The following MYH13 variants were observed in gnomAD, a reference collection of about 807,000 sequenced individuals.
MYH13 encodes myosin heavy chain 13, also known as myosin-13.
A neutral mutation model predicts 232.1 loss-of-function variants in MYH13; 177 were observed. The observed-to-expected ratio is 0.76, with a 90% CI of 0.67 to 0.86. The LOEUF (loss-of-function observed/expected upper bound fraction) is 0.86, where lower values mean the gene tolerates loss of function less well. Ranked by LOEUF, MYH13 falls within the 40% of genes least tolerant of loss-of-function variation. The pLI is 0.00. For synonymous variants in MYH13, 884 were observed against 923.5 expected (o/e 0.96, Z 0.78); for missense variants, 2,246 against 2,405.9 (o/e 0.93, Z 1.39).
intron 7 of MYH13, 119 bp downstream of exon 7, chr17:10,359,839 GAA>G: frequency 2.4e-6 from 2 of 842,232 alleles, no homozygotes; most frequent in Non-Finnish European, 3.9e-6. Flanking sequence ...AGAGAGGAAA[GAA>G]AGAATTTTTC....
intron 1 of MYH13, among the ~76,000 whole-genome samples, chr17:10,371,871 G>C (rs959739893): frequency 1.3e-5 from 2 of 152,176 alleles, no homozygotes; most frequent in African/African-American, 2.4e-5. Context: ...TAGGGCAGCT[G>C]AAAAGTCACC....
In MYH13 at chr17:10,321,686, A is replaced by AT; in HGVS notation, c.2956dup (p.Met986AsnfsTer5). On this transcript the variant is annotated frameshift_variant, in exon 24 of 41. Coordinates refer to ENST00000252172, the MANE Select transcript of MYH13 (RefSeq NM_003802.3). LOFTEE classifies it high-confidence loss of function. ...GGAAATGTTTTCTTCAAGTGCTGTCATTTCTTCGGAAAGATTCTTTACCTG... is the reference window on the plus strand; with the variant it reads ...GGAAATGTTTTCTTCAAGTGCTGTCATTTTCTTCGGAAAGATTCTTTACCTG... 1 of 1,613,098 alleles carries AT rather than the reference A, an allele frequency of 6.2e-7. No homozygotes were observed. Among genetic ancestry groups the AT allele is most frequent in the Non-Finnish European group, 8.5e-7 (1 of 1,179,604 alleles).
At position 10,354,709 on chromosome 17, in the gene MYH13, C is replaced by A. The variant is rs201107300; in HGVS notation, c.976G>T (p.Asp326Tyr). Residue 326 changes from aspartate (D) to tyrosine (Y), a missense_variant, in exon 11 of 41, where the codon GAT becomes TAT. Coordinates refer to ENST00000252172, the MANE Select transcript of MYH13 (RefSeq NM_003802.3). ...SQGEVTVASI[D>Y]DSEELLATDN... ...GTCGCCAGCAGTTCTTCACTGTCAT[C>A]GATACTGGCTACCGTGACCTCTCCT... 1 of 1,613,846 alleles carries A rather than the reference C, an allele frequency of 6.2e-7. No individual in the cohort carries two copies. Among genetic ancestry groups the A allele is most frequent in the Non-Finnish European group, 8.5e-7 (1 of 1,179,844 alleles).
rs760585886 is a variant in MYH13 at position 10,345,262 on chromosome 17, G to C, written c.1524C>G (p.Ile508Met). 6.2e-7 allele frequency: 1 copy of C among 1,614,154 alleles called. No individual in the cohort carries two copies. Among genetic ancestry groups the C allele is most frequent in the Non-Finnish European group, 8.5e-7 (1 of 1,180,016 alleles). Residue 508 changes from isoleucine (I) to methionine (M), a missense_variant, in exon 15 of 41, where the codon ATC becomes ATG. Coordinates refer to ENST00000252172, the MANE Select transcript of MYH13 (RefSeq NM_003802.3). ...TTCCGAAGTCAATGAACTCCCACTC[G>C]ATGCCTTCCTTCTTGTACTCTTCCT... ...LEQEEYKKEG[I>M]EWEFIDFGMD... is the part of the protein sequence containing the mutation.
chr17:10,359,830 G>C (rs2071777959), intron 7 of MYH13, 130 bp downstream of exon 7: 1 of 765,800 alleles, frequency 1.3e-6, no homozygotes, highest in African/African-American at 1.7e-5. Context: ...TGAGGATACA[G>C]AGAGGAAAGA....
At chr17:10,362,922 T>C (rs922265618) in intron 3 of MYH13, among the ~76,000 whole-genome samples, 1 of 152,060 alleles carries the variant, frequency 6.6e-6, no homozygotes, top group Non-Finnish European at 1.5e-5. Context: ...AGCTGGAATG[T>C]CTTCATGAAA....
At chr17:10,372,701 G>A (rs987802606) in intron 1 of MYH13, among the ~76,000 whole-genome samples, 3 of 152,128 alleles carry the variant, frequency 2.0e-5, no homozygotes, top group South Asian at 4.1e-4. Context: ...AATAATCAGA[G>A]GAGGAATCAT....
intron 8 of MYH13, among the ~76,000 whole-genome samples, chr17:10,357,339 A>G (rs2071756959): frequency 6.6e-6 from 1 of 152,212 alleles, no homozygotes; most frequent in Admixed American, 6.5e-5. Flanking sequence ...AAGAGGTCAA[A>G]TCTGCTAACT....
At chr17:10,326,724 G>T (rs1033955737) in intron 22 of MYH13, among the ~76,000 whole-genome samples, 1 of 151,316 alleles carries the variant, frequency 6.6e-6, no homozygotes, top group Non-Finnish European at 1.5e-5. Context: ...TGATCTGCCC[G>T]CCTCGGTCTC....
intron 18 of MYH13, among the ~76,000 whole-genome samples, chr17:10,334,933 A>G (rs2071561284): frequency 6.6e-6 from 1 of 152,174 alleles, no homozygotes; most frequent in African/African-American, 2.4e-5. Context: ...AGAACCGCCG[A>G]TGTGGAGAGA....
chr17:10,341,707 G>A (rs2071621146), intron 16 of MYH13, among the ~76,000 whole-genome samples: 1 of 152,092 alleles, frequency 6.6e-6, no homozygotes, highest in South Asian at 2.1e-4. Flanking sequence ...CCCCAAATCC[G>A]CATCCACACA....
Position 10,319,089 on chromosome 17 carries a change from G to T in MYH13, c.3439C>A (p.Leu1147Met), listed in dbSNP as rs1202137220. 6.2e-7 allele frequency: 1 copy of T among 1,614,130 alleles called. No homozygotes were observed. Among genetic ancestry groups the T allele is most frequent in the Non-Finnish European group, 8.5e-7 (1 of 1,180,040 alleles). Residue 1147 changes from leucine (L) to methionine (M), a missense_variant, in exon 27 of 41, where the codon CTG becomes ATG. By Grantham distance (15) the Leu-to-Met change is conservative (BLOSUM62 2). Coordinates refer to ENST00000252172, the MANE Select transcript of MYH13 (RefSeq NM_003802.3). ...EKQRSDLARE[L>M]EEISERLEEA... The stretch of plus-strand genomic sequence containing the variant: ...TCCAGCCTCTCGCTGATCTCCTCCA[G>T]TTCCCTGGCCAGATCTGAGCGCTGC...
intron 16 of MYH13, among the ~76,000 whole-genome samples, chr17:10,343,447 G>A (rs1053700970): frequency 6.6e-6 from 1 of 152,152 alleles, no homozygotes; most frequent in African/African-American, 2.4e-5. Context: ...ATCGGCCCCC[G>A]CCTTGGCCTC....
chr17:10,309,866 G>T (rs1188337996), intron 33 of MYH13, 36 bp from the exon 34 acceptor site: 1 of 1,500,084 alleles, frequency 6.7e-7, no homozygotes, highest in South Asian at 1.3e-5. Context: ...GAGTGCCGTG[G>T]ACATCCACCT....
chr17:10,324,923 A>T (rs1469772965), intron 22 of MYH13: 1 of 152,452 alleles, frequency 6.6e-6, no homozygotes, highest in African/African-American at 2.4e-5. Flanking sequence ...TCCTGTGCTC[A>T]AGTGATCCTC....
chr17:10,365,123 C>T (rs1354064329), intron 2 of MYH13, among the ~76,000 whole-genome samples: 2 of 152,146 alleles, frequency 1.3e-5, no homozygotes, highest in African/African-American at 4.8e-5. Flanking sequence ...AATCTGCCCG[C>T]CTTGACCTCC....
In MYH13 at chr17:10,362,278, G is replaced by A; in HGVS notation, c.349-4C>T. ...CACAGAAGAGGCCTGAGTAGGTCTG[G>A]GAAGATCAGAACATTTATCATTTGG... On this transcript the variant is annotated splice_polypyrimidine_tract_variant and splice_region_variant and intron_variant, in intron 4 of 40. Coordinates refer to ENST00000252172, the MANE Select transcript of MYH13 (RefSeq NM_003802.3). 6.2e-7 allele frequency: 1 copy of A among 1,613,804 alleles called. No homozygotes were observed. The highest frequency in any genetic ancestry group is 1.1e-5 in the South Asian group (1 of 91,072).
chr17:10,315,766 T>A lies in MYH13; in HGVS notation c.3911A>T (p.Gln1304Leu). The A allele has an allele frequency of 6.2e-7, 1 of 1,614,040 alleles. No individual in the cohort carries two copies. The highest frequency in any genetic ancestry group is 8.5e-7 in the Non-Finnish European group (1 of 1,179,900). Residue 1304 changes from glutamine (Q) to leucine (L), a missense_variant, in exon 29 of 41, where the codon CAG becomes CTG. Gln to Leu is a moderately radical substitution (Grantham distance 113, BLOSUM62 -2). Transcript: ENST00000252172. ...RVEEKESLIS[Q>L]LTKSKQALTQ... Reference sequence around the variant, plus strand: ...GAGGGCCTGCTTGCTTTTGGTCAGCTGTGAAATCAGAGACTCCTTCTCTTC... The same window carrying A: ...GAGGGCCTGCTTGCTTTTGGTCAGCAGTGAAATCAGAGACTCCTTCTCTTC...
At chr17:10,327,729 G>T in intron 22 of MYH13, 137 bp downstream of exon 22, 1 of 1,052,346 alleles carries the variant, frequency 9.5e-7, no homozygotes, top group Non-Finnish European at 1.4e-6. Flanking sequence ...CGAGCAAGGT[G>T]GTGCTGCAAT....
Sources: allele counts gnomAD v4.1 joint callset (sites outside exome capture counted in the v4.1 genomes callset), GRCh38; gene constraint gnomAD v4.1.1; transcripts MANE v1.5; gene names NCBI Gene and HGNC (gene_info 2026-07-23, HGNC 2026-07-21).